The following KCNH8 variants were observed in gnomAD, a reference collection of about 807,000 sequenced individuals.
KCNH8 encodes voltage-gated delayed rectifier potassium channel KCNH8.
A neutral mutation model predicts 103.6 loss-of-function variants in KCNH8; 70 were observed. That is an observed-to-expected ratio of 0.68 (90% CI 0.56 to 0.82). The LOEUF (loss-of-function observed/expected upper bound fraction) is 0.82, where lower values mean the gene tolerates loss of function less well. Ranked by LOEUF, KCNH8 falls within the 40% of genes least tolerant of loss-of-function variation. The probability of loss-of-function intolerance (pLI) is 0.00; values close to 1 mark genes in which losing one functional copy is unlikely to be tolerated. For synonymous variants in KCNH8, 498 were observed against 489.4 expected (o/e 1.02, Z -0.23); for missense variants, 1,217 against 1,329.9 (o/e 0.92, Z 1.32).
intron 11 of KCNH8, among the ~76,000 whole-genome samples, chr3:19,478,878 A>C (rs986187764): frequency 6.6e-6 from 1 of 152,084 alleles, no homozygotes; most frequent in African/African-American, 2.4e-5. Flanking sequence ...AAATCCTGAG[A>C]CCACAAAACA....
At chr3:19,514,875 T>C (rs2068847095) in intron 13 of KCNH8, among the ~76,000 whole-genome samples, 1 of 151,896 alleles carries the variant, frequency 6.6e-6, no homozygotes, top group Non-Finnish European at 1.5e-5. Flanking sequence ...AGAGCCTCTG[T>C]CTACAACAGT....
At chr3:19,208,363 A>G (rs113094242) in intron 1 of KCNH8, among the ~76,000 whole-genome samples, 260 of 152,148 alleles carry the variant, frequency 1.7e-3, no homozygotes, top group African/African-American at 5.6e-3. Flanking sequence ...AATATATGAT[A>G]AAATATATGT....
intron 7 of KCNH8, among the ~76,000 whole-genome samples, chr3:19,436,267 T>C (rs73818606): frequency 0.017 from 2,561 of 152,266 alleles, 81 homozygotes; most frequent in African/African-American, 0.059. Context: ...TGTTTTTTCA[T>C]TCAAAATGTT....
At chr3:19,419,292 C>T (rs997808105) in intron 7 of KCNH8, among the ~76,000 whole-genome samples, 10 of 150,460 alleles carry the variant, frequency 6.6e-5, no homozygotes, top group South Asian at 2.1e-4. Context: ...CTCTGCCTCC[C>T]GGGTTCACGC....
At chr3:19,180,213 C>T (rs189669204) in intron 1 of KCNH8, among the ~76,000 whole-genome samples, 5 of 148,380 alleles carry the variant, frequency 3.4e-5, no homozygotes, top group African/African-American at 1.0e-4. Flanking sequence ...TTTGTGAAGG[C>T]GATCTGGCAT....
chr3:19,213,990 C>T (rs1407366218), intron 1 of KCNH8, among the ~76,000 whole-genome samples: 1 of 152,182 alleles, frequency 6.6e-6, no homozygotes, highest in Non-Finnish European at 1.5e-5. Context: ...CACTGAAGTG[C>T]TCCTATTGCT....
rs938882729 is a variant in KCNH8 at position 19,457,090 on chromosome 3, A to G, written c.2040+108A>G. The G allele has an allele frequency of 4.6e-5, 30 of 652,934 alleles. 1 individual carries two copies. The highest frequency in any genetic ancestry group is 2.8e-4 in the Middle Eastern group (1 of 3,572). 40.4% of individuals were successfully genotyped at this position (652,934 alleles called of 1,614,324 possible). ...ACCTCACCTTAAAAAGTCTCTGAAT[A>G]TCTAAGACGTGAATATTCAGCCACC... On this transcript the variant is annotated intron_variant, in intron 11 of 15. Coordinates refer to ENST00000328405, the MANE Select transcript of KCNH8 (RefSeq NM_144633.3).
chr3:19,258,947 C>CTCTCTCTA (rs1321918245), intron 2 of KCNH8, among the ~76,000 whole-genome samples: 13 of 24,800 alleles, frequency 5.2e-4, no homozygotes, highest in African/African-American at 1.2e-3. Context: ...CTCTCTCTCT[C>CTCTCTCTA]TATATATATA....
intron 11 of KCNH8, among the ~76,000 whole-genome samples, chr3:19,498,648 G>A (rs143946198): frequency 6.6e-6 from 1 of 152,162 alleles, no homozygotes; most frequent in Non-Finnish European, 1.5e-5. Flanking sequence ...TGGAGGACGA[G>A]AGGTGCTCTG....
chr3:19,397,201 G>A (rs2066532267), intron 7 of KCNH8, among the ~76,000 whole-genome samples: 1 of 151,784 alleles, frequency 6.6e-6, no homozygotes, highest in African/African-American at 2.4e-5. Flanking sequence ...CTTGTATTAT[G>A]GTTCAATGTA....
At chr3:19,413,612 CACA>C (rs376038083) in intron 7 of KCNH8, among the ~76,000 whole-genome samples, 57 of 152,104 alleles carry the variant, frequency 3.7e-4, no homozygotes, top group African/African-American at 1.3e-3. Context: ...CTTGTGAAGA[CACA>C]ACGAGAAAAT....
At chr3:19,285,049 G>A (rs1275288421) in intron 3 of KCNH8, among the ~76,000 whole-genome samples, 3 of 151,864 alleles carry the variant, frequency 2.0e-5, no homozygotes, top group Non-Finnish European at 2.9e-5. Flanking sequence ...TGAGAACGGA[G>A]GGCCTTTGGT....
intron 7 of KCNH8, among the ~76,000 whole-genome samples, chr3:19,397,841 T>C (rs1432085700): frequency 6.6e-6 from 1 of 151,880 alleles, no homozygotes; most frequent in Admixed American, 6.6e-5. Flanking sequence ...CTTGCATCAT[T>C]TAAATGTTCA....
chr3:19,251,605 T>C (rs947813727), intron 1 of KCNH8, among the ~76,000 whole-genome samples: 5 of 152,156 alleles, frequency 3.3e-5, no homozygotes, highest in African/African-American at 1.2e-4. Flanking sequence ...AGATTTTCAG[T>C]GCTTCTCCTG....
intron 11 of KCNH8, among the ~76,000 whole-genome samples, chr3:19,469,435 G>C (rs1225282881): frequency 6.6e-6 from 1 of 151,924 alleles, no homozygotes; most frequent in Non-Finnish European, 1.5e-5. Flanking sequence ...TGTTGCTGTT[G>C]TTGTTTTTTG....
Position 19,508,224 on chromosome 3 carries a change from C to T in KCNH8, c.2041-2139C>T, listed in dbSNP as rs191510429. ...GTTTTCTGTTTTCACTGTGTCTATG[C>T]CAGATTTTGGTACTAGGCTTATTCT... is the stretch of plus-strand genomic sequence containing the variant. On this transcript the variant is annotated intron_variant, in intron 11 of 15. Coordinates refer to ENST00000328405, the MANE Select transcript of KCNH8 (RefSeq NM_144633.3). Among the ~76,000 whole-genome samples the T allele has an allele frequency of 3.3e-5, 5 of 152,132 alleles. No individual in the cohort carries two copies. The East Asian group carries it at 9.7e-4, about 29-fold the overall frequency.
intron 3 of KCNH8, among the ~76,000 whole-genome samples, chr3:19,306,275 A>G (rs2065129272): frequency 6.6e-6 from 1 of 152,134 alleles, no homozygotes. Flanking sequence ...CAAAAAACCT[A>G]AACTAAACTA....
Position 19,533,904 on chromosome 3 carries a change from C to T in KCNH8, c.3129C>T (p.His1043=), listed in dbSNP as rs748765751. 1.9e-6 allele frequency: 3 copies of T among 1,614,118 alleles called. No homozygotes were observed. The highest frequency in any genetic ancestry group is 1.1e-5 in the South Asian group (1 of 91,080). Residue 1043 remains histidine (H), a synonymous_variant, in exon 16 of 16, where the codon CAC becomes CAT. Coordinates refer to ENST00000328405, the MANE Select transcript of KCNH8 (RefSeq NM_144633.3). ...SVCSSSETSL[H]LVLPSRSEEG... Reference sequence around the variant, plus strand: ...GCTCCTCTTCGGAAACATCTTTGCACCTAGTTCTCCCAAGCAGATCAGAGG... The same window carrying T: ...GCTCCTCTTCGGAAACATCTTTGCATCTAGTTCTCCCAAGCAGATCAGAGG...
At chr3:19,264,682 CTT>C (rs1180942344) in intron 2 of KCNH8, among the ~76,000 whole-genome samples, 3 of 152,114 alleles carry the variant, frequency 2.0e-5, no homozygotes, top group Non-Finnish European at 4.4e-5. Context: ...AACTACCTGA[CTT>C]TGCACAGACA....
Sources: allele counts gnomAD v4.1 joint callset (sites outside exome capture counted in the v4.1 genomes callset), GRCh38; gene constraint gnomAD v4.1.1; transcripts MANE v1.5; gene names NCBI Gene and HGNC (gene_info 2026-07-23, HGNC 2026-07-21).